GOPC: variants seen among roughly 807,000 people sequenced by gnomAD.
The protein encoded by GOPC is golgi associated PDZ and coiled-coil motif containing, also known as Golgi-associated PDZ and coiled-coil motif-containing protein.
Under a neutral mutation model 51.2 loss-of-function variants are expected in GOPC, and 32 were observed. The ratio of observed to expected loss-of-function variants is 0.63; its 90% CI spans 0.47 to 0.84. The LOEUF (loss-of-function observed/expected upper bound fraction) is 0.84, where lower values mean the gene tolerates loss of function less well. GOPC is among the 40% of genes least tolerant of loss of function. GOPC has a pLI of 0.00. For missense variants in GOPC, 441 were observed against 555.5 expected (o/e 0.79, Z 2.07); for synonymous variants, 190 against 205.1 (o/e 0.93, Z 0.63).
chr6:117,566,748 T>C (rs1779704683), intron 8 of GOPC, 106 bp downstream of exon 8: 1 of 651,966 alleles, frequency 1.5e-6, no homozygotes, highest in Admixed American at 3.5e-5. Flanking sequence ...TTCATTCCTT[T>C]GATTTCCTCA....
chr6:117,566,704 A>C (rs954454124), intron 8 of GOPC, 150 bp downstream of exon 8: 1 of 512,684 alleles, frequency 2.0e-6, no homozygotes, highest in African/African-American at 1.9e-5. Context: ...CTGTTAGCAT[A>C]GTATACAATA....
intron 1 of GOPC, among the ~76,000 whole-genome samples, chr6:117,590,148 G>T (rs1780094763): frequency 6.6e-6 from 1 of 152,156 alleles, no homozygotes; most frequent in East Asian, 1.9e-4. Context: ...ATTTATAGCA[G>T]AACACCAGAT....
chr6:117,572,584 C>T (rs572344131), intron 5 of GOPC, among the ~76,000 whole-genome samples: 18 of 150,984 alleles, frequency 1.2e-4, no homozygotes, highest in Admixed American at 1.1e-3. Context: ...TACCTAAAAC[C>T]CCAACCTCAT....
At chr6:117,597,076 T>C (rs909436217) in intron 1 of GOPC, among the ~76,000 whole-genome samples, 1 of 152,160 alleles carries the variant, frequency 6.6e-6, no homozygotes, top group Non-Finnish European at 1.5e-5. Context: ...CAGTGTTTTA[T>C]AGTTTTCTTT....
chr6:117,582,682 CT>C (rs1198504887), intron 1 of GOPC, among the ~76,000 whole-genome samples: 3 of 150,546 alleles, frequency 2.0e-5, no homozygotes, highest in African/African-American at 7.3e-5. Flanking sequence ...TCCAGCTCCC[CT>C]CTCTGCTGAG....
At chr6:117,576,921 T>C (rs1779890455) in intron 3 of GOPC, among the ~76,000 whole-genome samples, 2 of 152,034 alleles carry the variant, frequency 1.3e-5, no homozygotes, top group Non-Finnish European at 2.9e-5. Context: ...ATGAGAAAAA[T>C]ATTAAAAATG....
chr6:117,571,193 C>G (rs371649049), intron 5 of GOPC, among the ~76,000 whole-genome samples: 15 of 152,074 alleles, frequency 9.9e-5, no homozygotes, highest in African/African-American at 3.4e-4. Context: ...AATATTGATA[C>G]ATCTCTTTTT....
Position 117,570,967 on chromosome 6 carries a change from G to GA in GOPC, c.817-13dup. 2.3e-6 allele frequency: 3 copies of GA among 1,323,862 alleles called. No homozygotes were observed. Among genetic ancestry groups the GA allele is most frequent in the Non-Finnish European group, 3.2e-6 (3 of 933,744 alleles). 82.0% of individuals were successfully genotyped at this position (1,323,862 alleles called of 1,614,324 possible). On this transcript the variant is annotated splice_polypyrimidine_tract_variant and intron_variant, in intron 5 of 8. Transcript: ENST00000368498. ...AGGGAATCTTGATCCTTATTGGGAG[G>GA]AAAAAAGAAGAAAAAGTAGTATCAT...
intron 6 of GOPC, 127 bp from the exon 7 acceptor site, chr6:117,569,863 G>C: frequency 1.9e-6 from 2 of 1,058,412 alleles, no homozygotes; most frequent in Non-Finnish European, 2.5e-6. Context: ...TATAAATGCT[G>C]GGTAAAATTT....
intron 1 of GOPC, among the ~76,000 whole-genome samples, chr6:117,588,508 T>C (rs1218015155): frequency 1.3e-5 from 2 of 152,022 alleles, no homozygotes; most frequent in Non-Finnish European, 2.9e-5. Flanking sequence ...ACTCCTGACC[T>C]CAAGTGATCT....
At chr6:117,596,474 T>C (rs146288751) in intron 1 of GOPC, among the ~76,000 whole-genome samples, 24 of 152,354 alleles carry the variant, frequency 1.6e-4, no homozygotes, top group Admixed American at 5.2e-4. Flanking sequence ...CCTAAGCCAA[T>C]ATCTAAAAGG....
chr6:117,601,972 G>C (rs1482837672), intron 1 of GOPC, 32 bp downstream of exon 1: 1 of 1,606,786 alleles, frequency 6.2e-7, no homozygotes, highest in Non-Finnish European at 8.5e-7. Context: ...GCCTGGGGTT[G>C]GATGCCATAG....
intron 7 of GOPC, among the ~76,000 whole-genome samples, chr6:117,569,192 G>A (rs550707664): frequency 3.9e-4 from 60 of 152,250 alleles, no homozygotes; most frequent in Middle Eastern, 3.4e-3. Context: ...TTCTAGCACT[G>A]TCTTTTCTGT....
At chr6:117,566,194 C>G (rs1404324453) in intron 8 of GOPC, among the ~76,000 whole-genome samples, 1 of 152,200 alleles carries the variant, frequency 6.6e-6, no homozygotes, top group East Asian at 1.9e-4. Context: ...CAACCAGATA[C>G]CATCAGTGCA....
rs1025640033 is a variant in GOPC at position 117,561,549 on chromosome 6, GT to G, written c.*1704del. On this transcript the variant is annotated 3_prime_UTR_variant, in exon 9 of 9. Transcript: ENST00000368498. ...CTCATGTCATGCATGGAAGGTATGT[GT>G]TTGGCATAGGGGATTCATAAAGAAA... 22 of 213,034 alleles carry G rather than the reference GT, an allele frequency of 1.0e-4. No homozygotes were observed. Among genetic ancestry groups the G allele is most frequent in the Middle Eastern group, 1.5e-3 (1 of 660 alleles). 13.2% of individuals were successfully genotyped at this position (213,034 alleles called of 1,614,324 possible).
At chr6:117,585,099 G>A (rs1018661619) in intron 1 of GOPC, among the ~76,000 whole-genome samples, 1 of 152,072 alleles carries the variant, frequency 6.6e-6, no homozygotes, top group Non-Finnish European at 1.5e-5. Context: ...AGGCATAACT[G>A]GTTTAAATAC....
Position 117,602,216 on chromosome 6 carries a change from G to A in GOPC, c.73C>T (p.Pro25Ser), listed in dbSNP as rs1321729408. ...PGGASCSVGAPGGVSMFRWLE... is the reference protein window; with the variant it reads ...PGGASCSVGASGGVSMFRWLE... Reference sequence around the variant, plus strand: ...CACCGGAACATGGATACCCCGCCAGGGGCCCCCACGGAGCAGGAGGCGCCC... The same window carrying A: ...CACCGGAACATGGATACCCCGCCAGAGGCCCCCACGGAGCAGGAGGCGCCC... The change falls in exon 1 of 9, where the codon CCT becomes TCT. Residue 25 changes from proline (P) to serine (S), a missense_variant. By Grantham distance (74) the Pro-to-Ser change is moderately conservative. Transcript: ENST00000368498. 2 of 1,607,486 alleles carry A rather than the reference G, an allele frequency of 1.2e-6. No homozygotes were observed. The highest frequency in any genetic ancestry group is 1.7e-6 in the Non-Finnish European group (2 of 1,179,946).
At chr6:117,573,114 A>G (rs1779831544) in intron 5 of GOPC, among the ~76,000 whole-genome samples, 1 of 152,190 alleles carries the variant, frequency 6.6e-6, no homozygotes, top group Admixed American at 6.5e-5. Context: ...ACCCCAAAAT[A>G]TCTGCCAAAT....
intron 1 of GOPC, among the ~76,000 whole-genome samples, chr6:117,587,199 A>G (rs530131583): frequency 1.5e-4 from 23 of 152,296 alleles, no homozygotes; most frequent in South Asian, 1.0e-3. Context: ...CCATCCAACC[A>G]TAATGACCAC....
Sources: gnomAD v4.1 joint callset for allele counts (sites outside exome capture counted in the v4.1 genomes callset) on GRCh38, gnomAD v4.1.1 for gene constraint, MANE v1.5 for transcripts, NCBI Gene and HGNC (gene_info 2026-07-23, HGNC 2026-07-21) for gene names.